XG: variants seen among roughly 807,000 people sequenced by gnomAD.
The protein encoded by XG is Xg glycoprotein (Xg blood group).
XG carries 24 observed loss-of-function variants against 25.7 expected under a neutral mutation model. That is an observed-to-expected ratio of 0.93 (90% CI 0.68 to 1.31). XG has a LOEUF of 1.31. Ranked by LOEUF, XG falls within the 40% of genes most tolerant of loss-of-function variation. XG has a pLI of 0.00. For synonymous variants in XG, 77 were observed against 69.2 expected, an observed-to-expected ratio of 1.11 and a Z score of -0.56; for missense variants, 181 against 187.6, an observed-to-expected ratio of 0.96 and a Z score of 0.21.
At chrX:2,796,258 ATATCT>A (rs1270753794) in intron 6 of XG, among the ~76,000 whole-genome samples, 1 of 107,457 alleles carries the variant, frequency 9.3e-6, no homozygotes, top group Non-Finnish European at 1.9e-5. Flanking sequence ...ATATGTATAA[ATATCT>A]TATATAAATA....
intron 2 of XG, among the ~76,000 whole-genome samples, chrX:2,774,223 C>T (rs1453971061): frequency 1.3e-5 from 2 of 152,160 alleles, no homozygotes; most frequent in African/African-American, 4.8e-5. Flanking sequence ...CCACACTGCA[C>T]ACCCAGGTTC....
chrX:2,806,857 A>G (rs948420059), intron 8 of XG, 112 bp downstream of exon 8: 8 of 624,557 alleles, frequency 1.3e-5, no homozygotes, highest in African/African-American at 9.4e-5. Context: ...TGCACAACCA[A>G]CTGGCCGTTC....
At chrX:2,812,847 G>A (rs1196710982) in intron 10 of XG, among the ~76,000 whole-genome samples, 2 of 112,128 alleles carry the variant, frequency 1.8e-5, no homozygotes, top group African/African-American at 6.5e-5. Flanking sequence ...TGATTTGTAA[G>A]CCTTTGTTAA....
chrX:2,779,686 GCCCA>G (rs1443014604), intron 3 of XG, among the ~76,000 whole-genome samples: 2 of 152,066 alleles, frequency 1.3e-5, no homozygotes, highest in Admixed American at 6.6e-5. Flanking sequence ...TCACTCTGTT[GCCCA>G]GGCTGGAGTG....
intron 4 of XG, among the ~76,000 whole-genome samples, chrX:2,784,404 G>A (rs368265255): frequency 3.6e-5 from 4 of 109,904 alleles, no homozygotes; most frequent in African/African-American, 1.3e-4. Flanking sequence ...CCAACATGGT[G>A]AAACCCCATC....
At chrX:2,809,224 A>C (rs189287974) in intron 9 of XG, among the ~76,000 whole-genome samples, 1,703 of 111,583 alleles carry the variant, frequency 0.015, 17 homozygotes, top group Non-Finnish European at 0.025. Context: ...TTGTGTAGCC[A>C]GGATGTGGAA....
Position 2,759,034 on chromosome X carries a change from A to G in XG, c.61+6699A>G, listed in dbSNP as rs2050500884. 4.0e-3 allele frequency among the ~76,000 whole-genome samples: 10 copies of G among 2,480 alleles called. No homozygotes were observed. The South Asian group carries it at 0.12, about 30-fold the overall frequency. 1.6% of individuals were successfully genotyped at this position (2,480 alleles called of 152,430 possible). A position where few individuals can be genotyped will look rare whatever the true frequency, so the allele number is the denominator to read the frequency against. On this transcript the variant is annotated intron_variant, in intron 1 of 10. Transcript: ENST00000644266. The stretch of plus-strand genomic sequence containing the variant: ...TATGTATCTATGTATCTATCTATGT[A>G]TCTATCTATCCATCCGTCTATCAAT...
intron 4 of XG, among the ~76,000 whole-genome samples, chrX:2,785,618 G>A (rs2086776576): frequency 9.0e-6 from 1 of 110,790 alleles, no homozygotes; most frequent in Non-Finnish European, 1.9e-5. Flanking sequence ...TTTAACACAG[G>A]AAATGAGCAA....
At chrX:2,754,380 A>G (rs1331998412) in intron 1 of XG, among the ~76,000 whole-genome samples, 1 of 152,186 alleles carries the variant, frequency 6.6e-6, no homozygotes, top group Non-Finnish European at 1.5e-5. Flanking sequence ...GATTACAGGC[A>G]TCAGCCACCA....
chrX:2,811,755 C>G (rs778316529), intron 10 of XG, among the ~76,000 whole-genome samples: 1 of 111,094 alleles, frequency 9.0e-6, no homozygotes, highest in East Asian at 2.8e-4. Flanking sequence ...ACCACCACGC[C>G]TGGCTAATTT....
At chrX:2,773,505 A>AGGAAGGAAGGAGAGAG (rs1569461961) in intron 2 of XG, among the ~76,000 whole-genome samples, 2 of 114,700 alleles carry the variant, frequency 1.7e-5, no homozygotes, top group African/African-American at 3.4e-5. Flanking sequence ...GAAGGAGAGA[A>AGGAAGGAAGGAGAGAG]GGAAGGAAGG....
chrX:2,782,665 G>A (rs958096919), intron 4 of XG, among the ~76,000 whole-genome samples: 2 of 110,995 alleles, frequency 1.8e-5, no homozygotes, highest in South Asian at 3.9e-4. Flanking sequence ...CCAGATTACC[G>A]GGCTGAGTGG....
chrX:2,802,661 A>G (rs311194), intron 7 of XG, among the ~76,000 whole-genome samples: 54,946 of 106,597 alleles, frequency 0.52, 11,463 homozygotes, highest in Admixed American at 0.68. Context: ...CCGCATTACC[A>G]GTCTGGGTGG....
At chrX:2,784,910 A>G (rs1399195548) in intron 4 of XG, among the ~76,000 whole-genome samples, 1 of 112,835 alleles carries the variant, frequency 8.9e-6, no homozygotes, top group Admixed American at 9.4e-5. Context: ...GACAGGTCTC[A>G]ATCAGTTTAC....
intron 6 of XG, among the ~76,000 whole-genome samples, chrX:2,796,426 A>G (rs1257458888): frequency 9.2e-6 from 1 of 108,881 alleles, no homozygotes; most frequent in Non-Finnish European, 1.9e-5. Flanking sequence ...ATATATGTGT[A>G]TATAGGTCCC....
chrX:2,763,529 C>G (rs970190065), intron 1 of XG, among the ~76,000 whole-genome samples: 1 of 152,104 alleles, frequency 6.6e-6, no homozygotes, highest in Non-Finnish European at 1.5e-5. Context: ...GGAAGTCACA[C>G]CAATGGCCAC....
At chrX:2,770,016 T>TGGGGGGGGGGGGG (rs1201452154) in intron 1 of XG, among the ~76,000 whole-genome samples, 2 of 45,602 alleles carry the variant, frequency 4.4e-5, no homozygotes, top group Non-Finnish European at 4.3e-5. Context: ...TGTGCGTGTG[T>TGGGGGGGGGGGGG]GGAGGGGTGG....
rs200747671 is a variant in XG at position 2,778,774 on chromosome X, AC to A, written c.128-3291del. Among the ~76,000 whole-genome samples, 1,097 of 148,492 alleles carry A rather than the reference AC, an allele frequency of 7.4e-3. 20 individuals are homozygous for A. Among genetic ancestry groups the A allele is most frequent in the African/African-American group, 0.026 (1,058 of 40,110 alleles). ...TGATCAAATCTCAACCTCATGCGAT[AC>A]TTTTTTTTTTTTTTTTGAGATGGAG... On this transcript the variant is annotated intron_variant, in intron 3 of 10. Transcript: ENST00000644266.
intron 1 of XG, among the ~76,000 whole-genome samples, chrX:2,763,520 G>A (rs1165089004): frequency 6.6e-6 from 1 of 152,142 alleles, no homozygotes; most frequent in Non-Finnish European, 1.5e-5. Context: ...CGTGCTGGAG[G>A]AAGTCACACC....
Sources: allele counts gnomAD v4.1 joint callset (sites outside exome capture counted in the v4.1 genomes callset), GRCh38; gene constraint gnomAD v4.1.1; transcripts MANE v1.5; gene names NCBI Gene and HGNC (gene_info 2026-07-23, HGNC 2026-07-21).